LAMA2: variants seen among roughly 807,000 people sequenced by gnomAD.
LAMA2 encodes the protein laminin subunit alpha-2.
A neutral mutation model predicts 364.8 loss-of-function variants in LAMA2; 269 were observed. That is an observed-to-expected ratio of 0.74 (90% CI 0.67 to 0.82). The LOEUF (loss-of-function observed/expected upper bound fraction) is 0.82. Among genes scored for constraint, LAMA2 ranks in the 40% least tolerant of loss-of-function variants. The pLI is 0.00. For synonymous variants in LAMA2, 1,379 were observed against 1,370.6 expected, an observed-to-expected ratio of 1.01 and a Z score of -0.14; for missense variants, 3,807 against 3,873.2, an observed-to-expected ratio of 0.98 and a Z score of 0.45.
At chr6:129,377,983 A>C (rs572901540) in intron 34 of LAMA2, among the ~76,000 whole-genome samples, 7 of 152,294 alleles carry the variant, frequency 4.6e-5, no homozygotes, top group African/African-American at 1.7e-4. Context: ...GGAAAAAAAA[A>C]ACCTAGTTGA....
chr6:129,106,275 T>A (rs954133530), intron 4 of LAMA2, among the ~76,000 whole-genome samples: 1 of 152,086 alleles, frequency 6.6e-6, no homozygotes, highest in Non-Finnish European at 1.5e-5. Flanking sequence ...GACATTATGG[T>A]GGTCCTTAGA....
chr6:128,962,264 A>AGT (rs1336194829), intron 1 of LAMA2, among the ~76,000 whole-genome samples: 3 of 146,302 alleles, frequency 2.1e-5, no homozygotes, highest in Non-Finnish European at 4.5e-5. Context: ...ATAGCATTTA[A>AGT]GTGTGTGTGT....
chr6:129,472,457 G>A (rs971296310), intron 51 of LAMA2, among the ~76,000 whole-genome samples: 3 of 151,990 alleles, frequency 2.0e-5, no homozygotes, highest in African/African-American at 4.8e-5. Context: ...GGGGGCGGTA[G>A]TGAGAGGGAT....
At chr6:128,981,980 C>T in intron 1 of LAMA2, among the ~76,000 whole-genome samples, 2 of 152,290 alleles carry the variant, frequency 1.3e-5, no homozygotes, top group Middle Eastern at 6.8e-3. Flanking sequence ...GGCTGTCCCT[C>T]TAACATAGCA....
intron 1 of LAMA2, among the ~76,000 whole-genome samples, chr6:128,951,383 A>G (rs9492154): frequency 0.058 from 8,783 of 152,240 alleles, 865 homozygotes; most frequent in African/African-American, 0.2. Flanking sequence ...AGATATAAGG[A>G]GAGATATGAC....
At chr6:129,446,705 G>A (rs73775419) in intron 45 of LAMA2, among the ~76,000 whole-genome samples, 2,618 of 152,042 alleles carry the variant, frequency 0.017, 83 homozygotes, top group African/African-American at 0.059. Context: ...TTGGAACTAG[G>A]ATGATCAGAA....
rs745851233 is a variant in LAMA2 at position 129,297,828 on chromosome 6, C to T, written c.3000C>T (p.Ala1000=). 4 of 1,613,882 alleles carry T rather than the reference C, an allele frequency of 2.5e-6. No individual in the cohort carries two copies. The highest frequency in any genetic ancestry group is 3.4e-6 in the Non-Finnish European group (4 of 1,179,896). The change falls in exon 21 of 65, where the codon GCC becomes GCT. Residue 1000 remains alanine (A), a synonymous_variant. Transcript: ENST00000421865. ...CAGGGAAGAAATGTGACCGCTGTGCCCACGGCTATTTCAACTTCCAAGAAG... is the reference window on the plus strand; with the variant it reads ...CAGGGAAGAAATGTGACCGCTGTGCTCACGGCTATTTCAACTTCCAAGAAG... ...GVTGKKCDRC[A]HGYFNFQEGG...
intron 2 of LAMA2, among the ~76,000 whole-genome samples, chr6:129,052,529 C>T (rs1788146735): frequency 6.6e-6 from 1 of 151,974 alleles, no homozygotes. Flanking sequence ...TACAGAAATT[C>T]CCCATATTTC....
intron 1 of LAMA2, among the ~76,000 whole-genome samples, chr6:128,939,564 G>A (rs373669640): frequency 6.6e-6 from 1 of 152,166 alleles, no homozygotes; most frequent in East Asian, 1.9e-4. Context: ...TATTTTTAAA[G>A]GAGACAGAAA....
rs1286462301 is a variant in LAMA2 at position 129,509,222 on chromosome 6, T to C, written c.8857+1580T>C. On this transcript the variant is annotated intron_variant, in intron 62 of 64. Coordinates refer to ENST00000421865, the MANE Select transcript of LAMA2 (RefSeq NM_000426.4). ...ATTATTAGATTTTTTTCCTATAGAA[T>C]TGTTTGAATTCCTTTTATATTCTGG... is the stretch of plus-strand genomic sequence containing the variant. 3.9e-5 allele frequency among the ~76,000 whole-genome samples: 6 copies of C among 152,316 alleles called. No homozygotes were observed. The East Asian group carries it at 1.2e-3, about 29-fold the overall frequency.
intron 22 of LAMA2, among the ~76,000 whole-genome samples, chr6:129,301,363 T>A (rs1429670555): frequency 6.6e-6 from 1 of 151,918 alleles, no homozygotes; most frequent in Non-Finnish European, 1.5e-5. Flanking sequence ...ATGGCCAGAG[T>A]CATGTTCAGA....
chr6:129,192,090 T>G (rs1781551147), intron 11 of LAMA2, among the ~76,000 whole-genome samples: 1 of 152,222 alleles, frequency 6.6e-6, no homozygotes, highest in Non-Finnish European at 1.5e-5. Flanking sequence ...CCAGGTGTTG[T>G]CATAGCACCA....
In LAMA2 at chr6:129,353,172, C is replaced by T. The variant is rs770886363; in HGVS notation, c.4532C>T (p.Pro1511Leu). 4.3e-6 allele frequency: 7 copies of T among 1,613,210 alleles called. No individual in the cohort carries two copies. The Admixed American group carries it at 1.0e-4, about 23-fold the overall frequency. The change falls in exon 32 of 65, where the codon CCT becomes CTT. Residue 1511 changes from proline (P) to leucine (L), a missense_variant. Pro to Leu is a moderately conservative substitution (Grantham distance 98). Coordinates refer to ENST00000421865, the MANE Select transcript of LAMA2 (RefSeq NM_000426.4). Reference sequence around the variant, plus strand: ...TCACTGTTTCAATTCAGGTGTGCCCCTGGCTATACTGGCAGTCCAGGCAAC... The same window carrying T: ...TCACTGTTTCAATTCAGGTGTGCCCTTGGCTATACTGGCAGTCCAGGCAAC... ...YEGQYCERCA[P>L]GYTGSPGNPG...
chr6:128,892,829 T>C (rs1776540810), intron 1 of LAMA2, among the ~76,000 whole-genome samples: 1 of 151,904 alleles, frequency 6.6e-6, no homozygotes, highest in South Asian at 2.1e-4. Flanking sequence ...GTCTATTTTG[T>C]ATTAAATCTA....
At chr6:129,219,551 A>G (rs1347791714) in intron 12 of LAMA2, among the ~76,000 whole-genome samples, 2 of 150,868 alleles carry the variant, frequency 1.3e-5, no homozygotes, top group Non-Finnish European at 3.0e-5. Context: ...GGCACTATTC[A>G]CAATAGCAAA....
chr6:129,343,782 A>G (rs1776396753), intron 30 of LAMA2, among the ~76,000 whole-genome samples: 1 of 152,192 alleles, frequency 6.6e-6, no homozygotes, highest in Non-Finnish European at 1.5e-5. Flanking sequence ...AAGAAAATTC[A>G]AAGGCACAAA....
chr6:129,161,349 G>T (rs560878444), intron 8 of LAMA2, among the ~76,000 whole-genome samples: 1 of 152,036 alleles, frequency 6.6e-6, no homozygotes, highest in South Asian at 2.1e-4. Context: ...TGTGTGTTTA[G>T]TCCCTAAATT....
chr6:129,035,281 TTTTTC>T (rs200142123), intron 1 of LAMA2, among the ~76,000 whole-genome samples: 4,493 of 145,272 alleles, frequency 0.031, 208 homozygotes, highest in African/African-American at 0.11. Flanking sequence ...CTTGTATGTC[TTTTTC>T]TTTTCTTTTC....
intron 41 of LAMA2, among the ~76,000 whole-genome samples, chr6:129,436,337 A>T (rs1311430250): frequency 6.6e-6 from 1 of 152,120 alleles, no homozygotes; most frequent in Non-Finnish European, 1.5e-5. Flanking sequence ...GTCAGCATAT[A>T]TATGGTGCAT....
Sources: gnomAD v4.1 joint callset for allele counts (sites outside exome capture counted in the v4.1 genomes callset) on GRCh38, gnomAD v4.1.1 for gene constraint, MANE v1.5 for transcripts, NCBI Gene and HGNC (gene_info 2026-07-23, HGNC 2026-07-21) for gene names.